Variants in GPATCH1 observed in about 807,000 individuals in gnomAD.
GPATCH1 encodes the protein G-patch domain containing 1, also known as G patch domain-containing protein 1.
In GPATCH1, 73 loss-of-function variants were observed where a neutral mutation model predicts 114.9. The ratio of observed to expected loss-of-function variants is 0.64; its 90% CI spans 0.53 to 0.77. GPATCH1 has a LOEUF of 0.77. Ranked by LOEUF, GPATCH1 falls within the 30% of genes least tolerant of loss-of-function variation. The pLI, the probability that GPATCH1 is intolerant of heterozygous loss-of-function variation, is 0.00. For synonymous variants in GPATCH1, 391 were observed against 428.4 expected, an observed-to-expected ratio of 0.91 and a Z score of 1.08; for missense variants, 1,058 against 1,144.3, an observed-to-expected ratio of 0.92 and a Z score of 1.09.
At chr19:33,122,700 C>A (rs1483391126) in intron 17 of GPATCH1, among the ~76,000 whole-genome samples, 2 of 151,856 alleles carry the variant, frequency 1.3e-5, no homozygotes, top group African/African-American at 4.8e-5. Context: ...TCTTTGATAC[C>A]CTCGTAATAG....
Position 33,118,006 on chromosome 19 carries a change from A to G in GPATCH1, c.2378A>G (p.Asp793Gly). The stretch of plus-strand genomic sequence containing the variant: ...GAGGCCAACTTCCAAAGCTCCCAAG[A>G]CACTGACTTGGGGGAAACATCATCT... ...SGEANFQSSQ[D>G]TDLGETSSVA... Residue 793 changes from aspartate (D) to glycine (G), a missense_variant, in exon 16 of 20, where the codon GAC (aspartate) becomes GGC (glycine). Coordinates refer to ENST00000170564, the MANE Select transcript of GPATCH1 (RefSeq NM_018025.3). The G allele has an allele frequency of 6.2e-7, 1 of 1,613,322 alleles. No homozygotes were observed. Among genetic ancestry groups the G allele is most frequent in the Non-Finnish European group, 8.5e-7 (1 of 1,179,450 alleles).
rs778840926 is a variant in GPATCH1 at position 33,106,657 on chromosome 19, C to T, written c.1081-38C>T. 41 of 1,502,534 alleles carry T rather than the reference C, an allele frequency of 2.7e-5. No homozygotes were observed. The Middle Eastern group carries it at 5.9e-4, about 22-fold the overall frequency. The allele number at this position is 1,502,534 out of a possible 1,614,324, so 93.1% of individuals were successfully genotyped here. A position where few individuals can be genotyped will look rare whatever the true frequency, so the allele number is the denominator to read the frequency against. Reference sequence around the variant, plus strand: ...CCTGATTAAATCAAACATGATCTTGCAGCCTGTATTTTCTGGGTTTTGTCT... The same window carrying T: ...CCTGATTAAATCAAACATGATCTTGTAGCCTGTATTTTCTGGGTTTTGTCT... On this transcript the variant is annotated intron_variant, in intron 9 of 19. Transcript: ENST00000170564.
chr19:33,113,880 T>C lies in GPATCH1; in HGVS notation c.2006T>C (p.Val669Ala). Residue 669 changes from valine to alanine, a missense_variant, in exon 14 of 20, where the codon GTA becomes GCA. Physicochemically the swap from Val to Ala is moderately conservative, Grantham distance 64. Coordinates refer to ENST00000170564, the MANE Select transcript of GPATCH1 (RefSeq NM_018025.3). ...ACCACTCAAGCATCAAGTGAAAAAG[T>C]ATCACAGCACCGAGGTCCCGACAGT... The part of the protein sequence containing the change: ...LPTTQASSEK[V>A]SQHRGPDKSR... 2 of 1,614,072 alleles carry C rather than the reference T, an allele frequency of 1.2e-6. No homozygotes were observed. Among genetic ancestry groups the C allele is most frequent in the Non-Finnish European group, 1.7e-6 (2 of 1,179,972 alleles).
chr19:33,125,309 A>T (rs1973028657), intron 18 of GPATCH1, 107 bp downstream of exon 18: 6 of 1,213,050 alleles, frequency 4.9e-6, no homozygotes, highest in Non-Finnish European at 6.9e-6. Context: ...TGGCCAAGTC[A>T]CAGTTCTCTC....
intron 1 of GPATCH1, among the ~76,000 whole-genome samples, chr19:33,083,715 G>A (rs1220853108): frequency 6.6e-6 from 1 of 151,866 alleles, no homozygotes; most frequent in Non-Finnish European, 1.5e-5. Flanking sequence ...CTTTTGAAGT[G>A]GAAGGAAAGG....
intron 19 of GPATCH1, among the ~76,000 whole-genome samples, chr19:33,127,140 GAA>G (rs35246382): frequency 1.4e-5 from 2 of 147,234 alleles, no homozygotes; most frequent in African/African-American, 2.5e-5. Flanking sequence ...CTCCCTAAAA[GAA>G]AAAAAAAAAT....
At chr19:33,120,151 G>T in intron 17 of GPATCH1, among the ~76,000 whole-genome samples, 1 of 135,046 alleles carries the variant, frequency 7.4e-6, no homozygotes, top group Non-Finnish European at 1.6e-5. Context: ...AATAAAATAT[G>T]TAAATATTTA....
chr19:33,111,519 C>G (rs1972853610), intron 11 of GPATCH1, among the ~76,000 whole-genome samples: 1 of 151,986 alleles, frequency 6.6e-6, no homozygotes, highest in Non-Finnish European at 1.5e-5. Context: ...ACAACTGCGC[C>G]TGGCCTAAAT....
chr19:33,124,854 C>A (rs1057212388), intron 17 of GPATCH1, among the ~76,000 whole-genome samples: 1 of 152,086 alleles, frequency 6.6e-6, no homozygotes, highest in Non-Finnish European at 1.5e-5. Flanking sequence ...GCTGGGGTCA[C>A]GGCAGGATAC....
At chr19:33,128,974 G>A (rs1050665288) in intron 19 of GPATCH1, among the ~76,000 whole-genome samples, 2 of 152,132 alleles carry the variant, frequency 1.3e-5, no homozygotes, top group African/African-American at 4.8e-5. Context: ...TAGGCCAGGT[G>A]CGGTATCTCA....
intron 2 of GPATCH1, among the ~76,000 whole-genome samples, chr19:33,089,230 C>T (rs1056081741): frequency 1.3e-4 from 20 of 152,136 alleles, no homozygotes; most frequent in Non-Finnish European, 2.9e-5. Context: ...GCAGGTGTCA[C>T]AGGGATCTTG....
rs372282579 is a variant in GPATCH1, at chr19:33,111,892, G to C, written c.1754G>C (p.Arg585Pro). ...GACTCAGATCAGGTTGAAGTCCCTC[G>C]AGACCAAGAGGTCTGTTGTCACCAT... Reference protein sequence around the residue: ...EDDSDQVEVPRDQENDVGDKQ... With the variant: ...EDDSDQVEVPPDQENDVGDKQ... The change falls in exon 12 of 20, where the codon CGA becomes CCA. Residue 585 changes from arginine (R) to proline (P), a missense_variant. By Grantham distance (103) the Arg-to-Pro change is moderately radical. Coordinates refer to ENST00000170564, the MANE Select transcript of GPATCH1 (RefSeq NM_018025.3). 6.2e-7 allele frequency: 1 copy of C among 1,613,024 alleles called. No homozygotes were observed. Among genetic ancestry groups the C allele is most frequent in the African/African-American group, 1.3e-5 (1 of 75,010 alleles).
Position 33,112,604 on chromosome 19 carries a change from C to G in GPATCH1, c.1883C>G (p.Pro628Arg), listed in dbSNP as rs941379016. The change falls in exon 13 of 20, where the codon CCT becomes CGT. Residue 628 changes from proline (P) to arginine (R), a missense_variant. Pro to Arg is a moderately radical substitution (Grantham distance 103). Transcript: ENST00000170564. ...TGTAAGAGATTTAATGTCCCTGACC[C>G]TTATCCAGAGTAAGTTGGATAAACC... ...LLCKRFNVPD[P>R]YPDSTLVGLP... is the part of the protein sequence containing the mutation. 2 of 1,613,474 alleles carry G rather than the reference C, an allele frequency of 1.2e-6. No individual in the cohort carries two copies. Among genetic ancestry groups the G allele is most frequent in the Admixed American group, 1.7e-5 (1 of 59,944 alleles).
At chr19:33,111,241 G>A (rs988735902) in intron 11 of GPATCH1, among the ~76,000 whole-genome samples, 3 of 151,614 alleles carry the variant, frequency 2.0e-5, no homozygotes, top group Non-Finnish European at 2.9e-5. Context: ...AAAATTAGCC[G>A]GGCATGGTGG....
intron 2 of GPATCH1, 68 bp from the exon 3 acceptor site, chr19:33,090,712 T>C (rs1384806960): frequency 4.3e-6 from 4 of 932,082 alleles, no homozygotes; most frequent in Non-Finnish European, 7.0e-6. Flanking sequence ...ATACATGTTA[T>C]TTAATCATTT....
At position 33,113,915 on chromosome 19, in the gene GPATCH1, G is replaced by A. The variant is rs200241802; in HGVS notation, c.2029+12G>A. The A allele has an allele frequency of 1.5e-4, 240 of 1,612,368 alleles. 3 individuals are homozygous for A. In the East Asian group the frequency reaches 3.9e-3, roughly 26 times the overall value. ...CCGAGGTCCCGACAGTGAGTAGGGCGTCCCCGGGGTCTCTGATTGACCAGG... is the reference window on the plus strand; with the variant it reads ...CCGAGGTCCCGACAGTGAGTAGGGCATCCCCGGGGTCTCTGATTGACCAGG... On this transcript the variant is annotated intron_variant, in intron 14 of 19. Transcript: ENST00000170564.
intron 17 of GPATCH1, among the ~76,000 whole-genome samples, chr19:33,124,888 T>C (rs1973022856): frequency 6.6e-6 from 1 of 152,086 alleles, no homozygotes; most frequent in Admixed American, 6.6e-5. Flanking sequence ...CAGGTCTTTG[T>C]TGAGGTCTCT....
intron 15 of GPATCH1, 63 bp from the exon 16 acceptor site, chr19:33,117,762 G>C: frequency 8.6e-7 from 1 of 1,158,540 alleles, no homozygotes; most frequent in East Asian, 2.3e-5. Context: ...GTGTATTCTA[G>C]AATGTCTCCT....
At chr19:33,082,115 G>T (rs1341297576) in intron 1 of GPATCH1, among the ~76,000 whole-genome samples, 1 of 118,130 alleles carries the variant, frequency 8.5e-6, no homozygotes, top group Non-Finnish European at 1.8e-5. Context: ...ATGGTGGCAT[G>T]GATGGGACAG....
Sources: allele counts gnomAD v4.1 joint callset (sites outside exome capture counted in the v4.1 genomes callset), GRCh38; gene constraint gnomAD v4.1.1; transcripts MANE v1.5; gene names NCBI Gene and HGNC (gene_info 2026-07-23, HGNC 2026-07-21).